HMGXB3: variants seen among roughly 807,000 people sequenced by gnomAD.
The protein encoded by HMGXB3 is HMG-box containing 3.
In HMGXB3, 45 loss-of-function variants were observed where a neutral mutation model predicts 121.5. The observed-to-expected ratio is 0.37, with a 90% CI of 0.29 to 0.47. The LOEUF (loss-of-function observed/expected upper bound fraction) is 0.47. Among genes scored for constraint, HMGXB3 ranks in the 20% least tolerant of loss-of-function variants. The pLI, the probability that HMGXB3 is intolerant of heterozygous loss-of-function variation, is 0.99. For synonymous variants in HMGXB3, 590 were observed against 624.1 expected (o/e 0.95, Z 0.81); for missense variants, 1,376 against 1,602.2 (o/e 0.86, Z 2.41).
Position 150,041,927 on chromosome 5 carries a change from T to A in HMGXB3, c.2688T>A (p.Ala896=). 1 of 1,551,654 alleles carries A rather than the reference T, an allele frequency of 6.4e-7. No homozygotes were observed. The highest frequency in any genetic ancestry group is 8.7e-7 in the Non-Finnish European group (1 of 1,146,968). ...GTGTGGCCCCCAAAGTGGAAATGGCTCAGAGGAGTGAAGAGAATGTGCTAG... is the reference window on the plus strand; with the variant it reads ...GTGTGGCCCCCAAAGTGGAAATGGCACAGAGGAGTGAAGAGAATGTGCTAG... ...ICGVAPKVEM[A]QRSEENVLAL... Residue 896 remains alanine, a synonymous_variant, in exon 15 of 20, where the codon GCT becomes GCA. Transcript: ENST00000502717.
intron 17 of HMGXB3, 29 bp from the exon 18 acceptor site, chr5:150,048,540 A>T: frequency 6.9e-7 from 1 of 1,454,946 alleles, no homozygotes. Flanking sequence ...ATTCGCCCTT[A>T]TGTTTTTAAT....
At chr5:150,006,783 T>G in intron 3 of HMGXB3, 136 bp downstream of exon 3, 1 of 746,654 alleles carries the variant, frequency 1.3e-6, no homozygotes, top group Non-Finnish European at 2.1e-6. Flanking sequence ...GACTCTGGGC[T>G]TGCTTGTTTC....
rs562239043 is a variant in HMGXB3 at position 150,027,480 on chromosome 5, G to A, written c.1734+363G>A. Among the ~76,000 whole-genome samples, 4 of 152,104 alleles carry A rather than the reference G, an allele frequency of 2.6e-5. No individual in the cohort carries two copies. In the East Asian group the frequency reaches 5.8e-4, roughly 22 times the overall value. ...CACCATATGTGGGTGTGTACACATT[G>A]CATGTGTGTAAAATACACATTATAG... On this transcript the variant is annotated intron_variant, in intron 9 of 19. Transcript: ENST00000502717.
intron 5 of HMGXB3, among the ~76,000 whole-genome samples, chr5:150,015,391 C>G (rs7728264): frequency 0.55 from 82,768 of 151,856 alleles, 25,398 homozygotes; most frequent in Non-Finnish European, 0.69. Context: ...TGGGATCCAC[C>G]TACCTGCCCC....
chr5:150,040,668 G>C, intron 13 of HMGXB3, 80 bp from the exon 14 acceptor site: 1 of 1,427,456 alleles, frequency 7.0e-7, no homozygotes, highest in Admixed American at 2.4e-5. Context: ...ACGTGCCACC[G>C]CACCCAGCTG....
chr5:150,051,435 C>CTT (rs1756890801), intron 19 of HMGXB3, among the ~76,000 whole-genome samples: 1 of 152,214 alleles, frequency 6.6e-6, no homozygotes, highest in Admixed American at 6.5e-5. Flanking sequence ...GTCTTAACCT[C>CTT]AGTCAGAGCC....
intron 13 of HMGXB3, among the ~76,000 whole-genome samples, chr5:150,038,133 C>T (rs1756540905): frequency 6.6e-6 from 1 of 152,188 alleles, no homozygotes; most frequent in African/African-American, 2.4e-5. Context: ...AATTGCTGCA[C>T]ATTTACCCTT....
rs146507687 is a variant in HMGXB3, at chr5:150,042,024, C to T, written c.2730+55C>T. The T allele has an allele frequency of 2.1e-4, 299 of 1,434,602 alleles. No individual in the cohort carries two copies. In the African/African-American group the frequency reaches 3.5e-3, roughly 17 times the overall value. The allele number at this position is 1,434,602 out of a possible 1,614,324, so 88.9% of individuals were successfully genotyped here. The stretch of plus-strand genomic sequence containing the variant: ...CTGCGGAATTTTCTCATTTTGGCAC[C>T]TCCCTTCCTATATGATATCCCCAGG... On this transcript the variant is annotated intron_variant, in intron 15 of 19. Transcript: ENST00000502717.
chr5:150,038,849 A>G (rs10062812), intron 13 of HMGXB3, among the ~76,000 whole-genome samples: 1,818 of 152,244 alleles, frequency 0.012, 42 homozygotes, highest in African/African-American at 0.042. Flanking sequence ...TCCCCATGGG[A>G]GGATATTTGG....
chr5:150,039,779 T>C (rs1756583449), intron 13 of HMGXB3, among the ~76,000 whole-genome samples: 1 of 152,236 alleles, frequency 6.6e-6, no homozygotes, highest in Non-Finnish European at 1.5e-5. Flanking sequence ...TTAAAAAATA[T>C]TTGTATGGGA....
chr5:150,030,925 G>A lies in HMGXB3; in HGVS notation c.1833+86G>A, dbSNP rs191340609. 4,598 of 933,744 alleles carry A rather than the reference G, an allele frequency of 4.9e-3. 22 individuals are homozygous for A. Among genetic ancestry groups the A allele is most frequent in the Non-Finnish European group, 6.0e-3 (3,532 of 590,842 alleles). 57.8% of individuals were successfully genotyped at this position (933,744 alleles called of 1,614,324 possible). ...AGGTCAGTAGGAGGCTGGGGGAGAG[G>A]GTGGTGGTAGCTGGGAGGGAGAACA... is the stretch of plus-strand genomic sequence containing the variant. On this transcript the variant is annotated intron_variant, in intron 10 of 19. Coordinates refer to ENST00000502717, the MANE Select transcript of HMGXB3 (RefSeq NM_014983.3).
chr5:150,031,213 C>CA (rs1310518190), intron 10 of HMGXB3, among the ~76,000 whole-genome samples: 2 of 152,232 alleles, frequency 1.3e-5, no homozygotes, highest in Non-Finnish European at 2.9e-5. Flanking sequence ...CTCCCTAAAA[C>CA]AGAGTCCAGT....
chr5:150,031,251 G>A (rs1294154861), intron 10 of HMGXB3, among the ~76,000 whole-genome samples: 1 of 152,230 alleles, frequency 6.6e-6, no homozygotes, highest in African/African-American at 2.4e-5. Flanking sequence ...AAGTAAAATA[G>A]AGAAGTACTT....
intron 15 of HMGXB3, among the ~76,000 whole-genome samples, chr5:150,044,067 G>A (rs1054781756): frequency 6.6e-6 from 1 of 152,198 alleles, no homozygotes; most frequent in Non-Finnish European, 1.5e-5. Context: ...GAATGGAGTA[G>A]CATTCCCTTC....
intron 9 of HMGXB3, chr5:150,030,231 T>C (rs1252499389): frequency 6.6e-6 from 1 of 152,282 alleles, no homozygotes. Flanking sequence ...CCCAGCACTT[T>C]GGGAGGCTGA....
chr5:150,015,180 G>A (rs1459432831), intron 5 of HMGXB3: 1 of 289,336 alleles, frequency 3.5e-6, no homozygotes, highest in Non-Finnish European at 6.4e-6. Context: ...TTATCCAGCT[G>A]ATGGCCATGG....
At position 150,012,234 on chromosome 5, in the gene HMGXB3, C is replaced by T. The variant is rs990266634; in HGVS notation, c.811-21C>T. On this transcript the variant is annotated intron_variant, in intron 4 of 19. Coordinates refer to ENST00000502717, the MANE Select transcript of HMGXB3 (RefSeq NM_014983.3). Reference sequence around the variant, plus strand: ...TATTACTCTGTTTCAGTGAAACTGTCCTTCTCTTCATTGCCCATAGGATTC... The same window carrying T: ...TATTACTCTGTTTCAGTGAAACTGTTCTTCTCTTCATTGCCCATAGGATTC... The T allele has an allele frequency of 5.9e-6, 9 of 1,518,372 alleles. No homozygotes were observed. In the African/African-American group the frequency reaches 9.7e-5, roughly 16 times the overall value. The allele number at this position is 1,518,372 out of a possible 1,614,324, so 94.1% of individuals were successfully genotyped here. A position where few individuals can be genotyped will look rare whatever the true frequency, so the allele number is the denominator to read the frequency against.
intron 11 of HMGXB3, among the ~76,000 whole-genome samples, chr5:150,034,278 C>G (rs948969033): frequency 2.0e-5 from 3 of 152,136 alleles, no homozygotes; most frequent in African/African-American, 4.8e-5. Flanking sequence ...TTTCTTAACT[C>G]CCTATGAGAC....
chr5:150,001,021 G>T lies in HMGXB3; in HGVS notation c.-161G>T, dbSNP rs1015274775. 18 of 154,222 alleles carry T rather than the reference G, an allele frequency of 1.2e-4. No homozygotes were observed. The highest frequency in any genetic ancestry group is 4.1e-4 in the African/African-American group (17 of 41,648). The allele number at this position is 154,222 out of a possible 1,614,324, so 9.6% of individuals were successfully genotyped here. ...GGCTCCTTCAGCCCCCGGGATGCGC[G>T]CGCGAGCCCTCGCCTCCACTTCCTT... is the stretch of plus-strand genomic sequence containing the variant. On this transcript the variant is annotated 5_prime_UTR_variant, in exon 1 of 20. Coordinates refer to ENST00000502717, the MANE Select transcript of HMGXB3 (RefSeq NM_014983.3).
Sources: allele counts gnomAD v4.1 joint callset (sites outside exome capture counted in the v4.1 genomes callset), GRCh38; gene constraint gnomAD v4.1.1; transcripts MANE v1.5; gene names NCBI Gene and HGNC (gene_info 2026-07-23, HGNC 2026-07-21).